The following SLC25A25 variants were observed in gnomAD, a reference collection of about 807,000 sequenced individuals.
The protein encoded by SLC25A25 is mitochondrial adenyl nucleotide antiporter SLC25A25.
Under a neutral mutation model 57.7 loss-of-function variants are expected in SLC25A25, and 32 were observed. The ratio of observed to expected loss-of-function variants is 0.55; its 90% CI spans 0.42 to 0.74. The LOEUF is 0.74. Among genes scored for constraint, SLC25A25 ranks in the 30% least tolerant of loss-of-function variants. The pLI is 0.00. For missense variants in SLC25A25, 556 were observed against 701.3 expected (o/e 0.79, Z 2.34); for synonymous variants, 306 against 291.2 (o/e 1.05, Z -0.52).
In SLC25A25 at chr9:128,099,174, G is replaced by T; in HGVS notation, c.262-1922G>T. 4.0e-6 allele frequency: 5 copies of T among 1,256,118 alleles called. No homozygotes were observed. The highest frequency in any genetic ancestry group is 5.1e-6 in the Non-Finnish European group (5 of 975,508). The allele number at this position is 1,256,118 out of a possible 1,614,324, so 77.8% of individuals were successfully genotyped here. On this transcript the variant is annotated intron_variant, in intron 1 of 10. Coordinates refer to ENST00000373069, the MANE Select transcript of SLC25A25 (RefSeq NM_001330988.2). The surrounding 1 kb of genome is among the most constrained non-coding windows in gnomAD (Gnocchi z 6.8). ...GACTCTCAGACATCGCTGTGGAACA[G>T]GGCCTGTGTCTGCCCTGAAAGTGAG... is the stretch of plus-strand genomic sequence containing the variant.
intron 1 of SLC25A25, among the ~76,000 whole-genome samples, chr9:128,083,373 C>A (rs568327313): frequency 6.6e-6 from 1 of 151,838 alleles, no homozygotes; most frequent in Non-Finnish European, 1.5e-5. Context: ...CTGTGCCAGT[C>A]CTCATCAAAT....
At chr9:128,100,805 C>T (rs1246829864) in intron 1 of SLC25A25, 4 of 390,362 alleles carry the variant, frequency 1.0e-5, no homozygotes, top group East Asian at 5.5e-5. Flanking sequence ...CTGTCCCTGT[C>T]GGCCTCTGTC....
intron 1 of SLC25A25, chr9:128,091,812 T>C: frequency 6.5e-7 from 1 of 1,543,916 alleles, no homozygotes; most frequent in Non-Finnish European, 8.7e-7. Context: ...GCGTTGGTAC[T>C]GTGGTCACAT....
chr9:128,079,967 C>G (rs7851975), intron 1 of SLC25A25, among the ~76,000 whole-genome samples: 39,897 of 149,054 alleles, frequency 0.27, 5,588 homozygotes, highest in Middle Eastern at 0.39. Context: ...CTCCAGCCTG[C>G]TGACAGAGCG....
chr9:128,082,377 C>G (rs985574639), intron 1 of SLC25A25, among the ~76,000 whole-genome samples: 10 of 152,120 alleles, frequency 6.6e-5, no homozygotes, highest in Non-Finnish European at 2.9e-5. Context: ...TGAGTCACAT[C>G]AGGTGGGCGT....
At chr9:128,085,829 A>G (rs1408576969) in intron 1 of SLC25A25, among the ~76,000 whole-genome samples, 2 of 152,070 alleles carry the variant, frequency 1.3e-5, no homozygotes, top group African/African-American at 2.4e-5. Context: ...TGAATCATTT[A>G]CAGTTGTATT....
At chr9:128,096,442 G>A (rs1271199256) in intron 1 of SLC25A25, among the ~76,000 whole-genome samples, 1 of 152,220 alleles carries the variant, frequency 6.6e-6, no homozygotes, top group Non-Finnish European at 1.5e-5. Flanking sequence ...CTGGGAGGCA[G>A]AGGTTGCAGT....
chr9:128,083,303 T>TAGAGCTGCATATATGACTC, intron 1 of SLC25A25, among the ~76,000 whole-genome samples: 1 of 151,648 alleles, frequency 6.6e-6, no homozygotes, highest in East Asian at 1.9e-4. Flanking sequence ...GCCAAAATCT[T>TAGAGCTGCATATATGACTC]AGAGCTGCAT....
rs574261157 is a variant in SLC25A25 at position 128,103,205 on chromosome 9, C to G, written c.625-476C>G. On this transcript the variant is annotated intron_variant, in intron 5 of 10. Coordinates refer to ENST00000373069, the MANE Select transcript of SLC25A25 (RefSeq NM_001330988.2). The surrounding 1 kb of genome is among the most constrained non-coding windows in gnomAD (Gnocchi z 6.7). ...AGAGCAGAGGTGGCTCTGATCAGCC[C>G]GGATGTCACCCGGAGAAAGGTTACG... Among the ~76,000 whole-genome samples the G allele has an allele frequency of 2.6e-5, 4 of 152,290 alleles. No individual in the cohort carries two copies. Among genetic ancestry groups the G allele is most frequent in the South Asian group, 2.1e-4 (1 of 4,824 alleles).
At chr9:128,071,646 A>G (rs1403609945) in intron 1 of SLC25A25, among the ~76,000 whole-genome samples, 1 of 150,770 alleles carries the variant, frequency 6.6e-6, no homozygotes, top group Non-Finnish European at 1.5e-5. Context: ...TCCTGACCTC[A>G]GATGATCTGC....
At chr9:128,091,049 G>A (rs557250567) in intron 1 of SLC25A25, 1 of 152,394 alleles carries the variant, frequency 6.6e-6, no homozygotes, top group South Asian at 2.1e-4. Context: ...TCTTCTGGAG[G>A]GAGACGCAGC....
intron 1 of SLC25A25, chr9:128,098,397 C>T (rs768595036): frequency 1.1e-4 from 144 of 1,324,540 alleles, no homozygotes; most frequent in Non-Finnish European, 1.4e-4. Flanking sequence ...GTTGGCAGGA[C>T]TTGCCGTGGG....
At chr9:128,082,969 C>G (rs368694074) in intron 1 of SLC25A25, among the ~76,000 whole-genome samples, 2 of 152,030 alleles carry the variant, frequency 1.3e-5, no homozygotes, top group African/African-American at 4.8e-5. Context: ...GTGGCTCAGC[C>G]TGTAATCCCA....
intron 1 of SLC25A25, among the ~76,000 whole-genome samples, chr9:128,070,950 CAAAAAAA>C (rs531221205): frequency 4.4e-4 from 25 of 57,434 alleles, no homozygotes; most frequent in African/African-American, 1.1e-3. Context: ...AACTCCATCT[CAAAAAAA>C]AAAAAAAAAA....
Position 128,107,913 on chromosome 9 carries a change from TC to T in SLC25A25, c.*470del. Reference sequence around the variant, plus strand: ...GGGCTACAGCCCACATCCCACCCCCTCGTCCAATCCCATAATCCATGATGAA... The same window carrying T: ...GGGCTACAGCCCACATCCCACCCCCTGTCCAATCCCATAATCCATGATGAA... On this transcript the variant is annotated 3_prime_UTR_variant, in exon 11 of 11. Transcript: ENST00000373069. 2.5e-6 allele frequency: 1 copy of T among 399,748 alleles called. No individual in the cohort carries two copies. The allele number at this position is 399,748 out of a possible 1,614,324, so 24.8% of individuals were successfully genotyped here.
Position 128,099,561 on chromosome 9 carries a change from C to T in SLC25A25, c.262-1535C>T, listed in dbSNP as rs1443773991. On this transcript the variant is annotated intron_variant, in intron 1 of 10. Coordinates refer to ENST00000373069, the MANE Select transcript of SLC25A25 (RefSeq NM_001330988.2). This position sits in a 1 kb window ranked among gnomAD's most constrained non-coding sequence, Gnocchi z 6.8. Reference sequence around the variant, plus strand: ...CTGTTAGAGATTTGGAGCAGTCACCCTATAGGTGATTTATGTCACTCTTGT... The same window carrying T: ...CTGTTAGAGATTTGGAGCAGTCACCTTATAGGTGATTTATGTCACTCTTGT... Among the ~76,000 whole-genome samples, 2 of 152,208 alleles carry T rather than the reference C, an allele frequency of 1.3e-5. No homozygotes were observed. Among genetic ancestry groups the T allele is most frequent in the Admixed American group, 1.3e-4 (2 of 15,284 alleles).
chr9:128,098,439 G>C, intron 1 of SLC25A25: 1 of 1,431,392 alleles, frequency 7.0e-7, no homozygotes, highest in Non-Finnish European at 9.1e-7. Context: ...TTAAGTAAAA[G>C]GGCAGGGCTT....
At chr9:128,091,597 A>C in intron 1 of SLC25A25, 1 of 1,107,728 alleles carries the variant, frequency 9.0e-7, no homozygotes, top group Non-Finnish European at 1.1e-6. Flanking sequence ...CATCACCTGC[A>C]GAAGTGAGTT....
chr9:128,099,312 G>A lies in SLC25A25; in HGVS notation c.262-1784G>A. ...ACCAAGGGGGATTTGCAGATCCAAG[G>A]AAGGAGACAGAAGGAGGCCCAGGCC... is the stretch of plus-strand genomic sequence containing the variant. On this transcript the variant is annotated intron_variant, in intron 1 of 10. Transcript: ENST00000373069. This position sits in a 1 kb window ranked among gnomAD's most constrained non-coding sequence, Gnocchi z 6.8. 7.9e-7 allele frequency: 1 copy of A among 1,273,026 alleles called. No homozygotes were observed. The highest frequency in any genetic ancestry group is 1.5e-5 in the African/African-American group (1 of 64,676). The allele number at this position is 1,273,026 out of a possible 1,614,324, so 78.9% of individuals were successfully genotyped here.
Sources: allele counts gnomAD v4.1 joint callset (sites outside exome capture counted in the v4.1 genomes callset), GRCh38; gene constraint gnomAD v4.1.1; non-coding constraint Gnocchi (gnomAD v3.1); transcripts MANE v1.5; gene names NCBI Gene and HGNC (gene_info 2026-07-23, HGNC 2026-07-21).